The following DIS3L2 variants were observed in gnomAD, a reference collection of about 807,000 sequenced individuals.
The protein encoded by DIS3L2 is DIS3-like exonuclease 2.
Under a neutral mutation model 97.5 loss-of-function variants are expected in DIS3L2, and 34 were observed. The observed-to-expected ratio is 0.35, with a 90% CI of 0.27 to 0.46. DIS3L2 has a LOEUF of 0.46. DIS3L2 is among the 20% of genes least tolerant of loss of function. The pLI, the probability that DIS3L2 is intolerant of heterozygous loss-of-function variation, is 1.00. For missense variants in DIS3L2, 1,038 were observed against 1,146.0 expected (o/e 0.91, Z 1.36); for synonymous variants, 435 against 445.2 (o/e 0.98, Z 0.29).
intron 5 of DIS3L2, among the ~76,000 whole-genome samples, chr2:232,038,009 C>G (rs1694999379): frequency 6.6e-6 from 1 of 152,162 alleles, no homozygotes. Flanking sequence ...CCTCTTTTTT[C>G]TTTTTGAATT....
At chr2:232,235,896 G>A (rs1444199404) in intron 10 of DIS3L2, among the ~76,000 whole-genome samples, 3 of 152,184 alleles carry the variant, frequency 2.0e-5, no homozygotes, top group Non-Finnish European at 4.4e-5. Flanking sequence ...GTGACCCAGC[G>A]ACACAGCTGC....
intron 17 of DIS3L2, 69 bp from the exon 18 acceptor site, chr2:232,334,300 C>G (rs1462619660): frequency 5.8e-6 from 9 of 1,542,888 alleles, no homozygotes; most frequent in Non-Finnish European, 7.9e-6. Flanking sequence ...GCCATGCAGC[C>G]CATCCCCCAG....
At chr2:232,302,768 C>T (rs992977755) in intron 14 of DIS3L2, among the ~76,000 whole-genome samples, 58 of 151,856 alleles carry the variant, frequency 3.8e-4, no homozygotes, top group African/African-American at 1.4e-3. Context: ...ACCATATTGG[C>T]GAGGCTGGTC....
intron 1 of DIS3L2, among the ~76,000 whole-genome samples, chr2:231,973,810 A>G (rs1203763291): frequency 6.6e-6 from 1 of 152,180 alleles, no homozygotes; most frequent in Non-Finnish European, 1.5e-5. Flanking sequence ...TTTTCCCCAC[A>G]ATATTGTGAG....
intron 1 of DIS3L2, among the ~76,000 whole-genome samples, chr2:231,993,653 T>A (rs1178516811): frequency 1.3e-5 from 2 of 152,164 alleles, no homozygotes; most frequent in African/African-American, 4.8e-5. Flanking sequence ...AGGTAAATGG[T>A]GTCCAGGTAA....
intron 5 of DIS3L2, among the ~76,000 whole-genome samples, chr2:232,063,284 C>T (rs1313135293): frequency 6.6e-6 from 1 of 152,174 alleles, no homozygotes; most frequent in Non-Finnish European, 1.5e-5. Context: ...CTCAACTCTA[C>T]TTGTGTTTAG....
At chr2:232,201,996 A>G (rs1691905728) in intron 9 of DIS3L2, among the ~76,000 whole-genome samples, 1 of 152,198 alleles carries the variant, frequency 6.6e-6, no homozygotes, top group African/African-American at 2.4e-5. Flanking sequence ...ATGAATTTGA[A>G]CATATTTTCT....
chr2:232,232,796 G>A (rs1692830617), intron 10 of DIS3L2, among the ~76,000 whole-genome samples: 1 of 152,180 alleles, frequency 6.6e-6, no homozygotes. Context: ...CCAAAGCACA[G>A]AAATGAGGTT....
At chr2:232,107,178 T>C (rs1377415139) in intron 6 of DIS3L2, among the ~76,000 whole-genome samples, 1 of 152,034 alleles carries the variant, frequency 6.6e-6, no homozygotes, top group Admixed American at 6.6e-5. Flanking sequence ...TAACAACCTA[T>C]CATCACGACT....
chr2:232,248,502 AAAAC>A (rs1693327249), intron 11 of DIS3L2, among the ~76,000 whole-genome samples: 1 of 152,252 alleles, frequency 6.6e-6, no homozygotes, highest in Non-Finnish European at 1.5e-5. Context: ...AGTAGGAAAA[AAAAC>A]AAGTAATATT....
At chr2:232,210,570 A>G (rs1692162002) in intron 10 of DIS3L2, among the ~76,000 whole-genome samples, 165 bp downstream of exon 10, 1 of 152,176 alleles carries the variant, frequency 6.6e-6, no homozygotes, top group Non-Finnish European at 1.5e-5. Flanking sequence ...ATGTGACCTT[A>G]AGATTGTGTT....
intron 9 of DIS3L2, among the ~76,000 whole-genome samples, chr2:232,173,622 G>A (rs1232697651): frequency 2.0e-5 from 3 of 152,160 alleles, no homozygotes; most frequent in East Asian, 3.9e-4. Context: ...GTGAGGTATG[G>A]GTCAAACTTC....
intron 5 of DIS3L2, among the ~76,000 whole-genome samples, chr2:232,081,497 T>G (rs887771254): frequency 1.1e-4 from 16 of 147,486 alleles, no homozygotes; most frequent in South Asian, 4.3e-4. Flanking sequence ...TTTTTTTTTT[T>G]CTTTCTTAAT....
chr2:232,182,146 T>C (rs1051227298), intron 9 of DIS3L2, among the ~76,000 whole-genome samples: 12 of 152,214 alleles, frequency 7.9e-5, no homozygotes, highest in Admixed American at 7.2e-4. Flanking sequence ...TTTTCATTTA[T>C]ATCTAAATAT....
At chr2:231,993,059 A>G (rs1250505799) in intron 1 of DIS3L2, among the ~76,000 whole-genome samples, 1 of 152,052 alleles carries the variant, frequency 6.6e-6, no homozygotes, top group African/African-American at 2.4e-5. Flanking sequence ...GTCAGCCCAG[A>G]TGTTCTTCAG....
chr2:232,321,035 G>C (rs552769140), intron 14 of DIS3L2, among the ~76,000 whole-genome samples: 9 of 152,304 alleles, frequency 5.9e-5, no homozygotes, highest in Non-Finnish European at 1.3e-4. Context: ...GCGGGGAGCA[G>C]AGGGGGCAGA....
intron 9 of DIS3L2, among the ~76,000 whole-genome samples, chr2:232,190,928 C>T (rs1691603614): frequency 6.6e-6 from 1 of 152,176 alleles, no homozygotes; most frequent in South Asian, 2.1e-4. Flanking sequence ...AAGTTCCAAA[C>T]AAGGGTGAGT....
intron 6 of DIS3L2, among the ~76,000 whole-genome samples, chr2:232,088,009 A>G (rs1574865250): frequency 6.6e-6 from 1 of 152,358 alleles, no homozygotes; most frequent in Middle Eastern, 3.4e-3. Context: ...GATAGGCGCA[A>G]TCCTGTGGAT....
intron 13 of DIS3L2, among the ~76,000 whole-genome samples, chr2:232,280,508 C>G (rs779494661): frequency 1.5e-4 from 23 of 152,216 alleles, no homozygotes; most frequent in Non-Finnish European, 2.6e-4. Flanking sequence ...CAGTGACTCA[C>G]CCAATCATGC....
Sources: gnomAD v4.1 joint callset for allele counts (sites outside exome capture counted in the v4.1 genomes callset) on GRCh38, gnomAD v4.1.1 for gene constraint, MANE v1.5 for transcripts, NCBI Gene and HGNC (gene_info 2026-07-23, HGNC 2026-07-21) for gene names.